Variants in COL9A1 observed in about 807,000 individuals in gnomAD.
COL9A1 encodes the protein collagen alpha-1(IX) chain.
Under a neutral mutation model 142.6 loss-of-function variants are expected in COL9A1, and 104 were observed. That is an observed-to-expected ratio of 0.73 (90% CI 0.62 to 0.86). COL9A1 has a LOEUF of 0.86. Ranked by LOEUF, COL9A1 falls within the 40% of genes least tolerant of loss-of-function variation. The pLI is 0.00. For synonymous variants in COL9A1, 466 were observed against 396.0 expected, an observed-to-expected ratio of 1.18 and a Z score of -2.10; for missense variants, 1,210 against 1,176.6, an observed-to-expected ratio of 1.03 and a Z score of -0.42.
chr6:70,240,881 TAGCTGTCA>T, intron 31 of COL9A1, 148 bp from the exon 32 acceptor site: 1 of 737,414 alleles, frequency 1.4e-6, no homozygotes, highest in Non-Finnish European at 2.5e-6. Context: ...CTTTCCAATC[TAGCTGTCA>T]GTGGTTAGTC....
intron 33 of COL9A1, among the ~76,000 whole-genome samples, chr6:70,235,555 C>T (rs1295119413): frequency 1.3e-5 from 2 of 152,114 alleles, no homozygotes; most frequent in Non-Finnish European, 1.5e-5. Flanking sequence ...ATTCTTCATA[C>T]TTTAAGCCAC....
At chr6:70,270,404 A>C (rs939156297) in intron 14 of COL9A1, 37 bp from the exon 15 acceptor site, 21 of 1,579,908 alleles carry the variant, frequency 1.3e-5, no homozygotes, top group Non-Finnish European at 1.8e-5. Flanking sequence ...GTGGTTATAC[A>C]TGTGTCAAAA....
At chr6:70,274,818 G>A (rs1220571128) in intron 10 of COL9A1, 46 bp from the exon 11 acceptor site, 1 of 1,468,290 alleles carries the variant, frequency 6.8e-7, no homozygotes, top group South Asian at 1.1e-5. Flanking sequence ...AACATCCTTA[G>A]GCAAACCACT....
At chr6:70,272,276 G>T (rs1772455553) in intron 12 of COL9A1, among the ~76,000 whole-genome samples, 188 bp from the exon 13 acceptor site, 2 of 151,954 alleles carry the variant, frequency 1.3e-5, no homozygotes, top group South Asian at 4.1e-4. Flanking sequence ...GCTTATTTCA[G>T]CTCCTCTAAC....
At chr6:70,218,049 A>G (rs545059587) in intron 37 of COL9A1, among the ~76,000 whole-genome samples, 1 of 152,322 alleles carries the variant, frequency 6.6e-6, no homozygotes, top group East Asian at 1.9e-4. Context: ...AGGCTGAGGC[A>G]GGAGAATTAC....
At chr6:70,298,397 A>G (rs1156298740) in intron 4 of COL9A1, among the ~76,000 whole-genome samples, 2 of 152,148 alleles carry the variant, frequency 1.3e-5, no homozygotes, top group Non-Finnish European at 2.9e-5. Context: ...TTGGAATTCC[A>G]CATGTCTGAG....
At position 70,289,488 on chromosome 6, in the gene COL9A1, TG is replaced by T. The variant is rs144924920; in HGVS notation, c.696+4678del. 5.5e-3 allele frequency among the ~76,000 whole-genome samples: 833 copies of T among 152,286 alleles called. 4 individuals are homozygous for T. The highest frequency in any genetic ancestry group is 0.02 in the Middle Eastern group (6 of 294). ...GTTTCCTCATTTCATTGCCACCTAG[TG>T]GAAAATCCAGCTGAGGTTGTTAATG... On this transcript the variant is annotated intron_variant, in intron 5 of 37. Transcript: ENST00000357250.
chr6:70,248,343 T>A lies in COL9A1; in HGVS notation c.1872+3777A>T, dbSNP rs531071725. Among the ~76,000 whole-genome samples the A allele has an allele frequency of 3.3e-5, 5 of 152,350 alleles. No homozygotes were observed. In the East Asian group the frequency reaches 9.6e-4, roughly 29 times the overall value. ...ACAGACAATATTTTTGCAGTAGTAT[T>A]GGCAAACATTAAAGGAAATAGCACT... is the stretch of plus-strand genomic sequence containing the variant. On this transcript the variant is annotated intron_variant, in intron 28 of 37. Coordinates refer to ENST00000357250, the MANE Select transcript of COL9A1 (RefSeq NM_001851.6).
intron 27 of COL9A1, 21 bp from the exon 28 acceptor site, chr6:70,252,194 A>G (rs1770984837): frequency 3.1e-6 from 5 of 1,614,200 alleles, no homozygotes; most frequent in Non-Finnish European, 4.2e-6. Context: ...GAAGGAAGGT[A>G]GAAAAAAAGT....
intron 10 of COL9A1, chr6:70,280,115 T>C: frequency 1.7e-6 from 1 of 590,626 alleles, no homozygotes; most frequent in Non-Finnish European, 3.1e-6. Context: ...TAGTGTTAGG[T>C]TTACCATATA....
At chr6:70,257,850 A>G (rs1771420125) in intron 20 of COL9A1, among the ~76,000 whole-genome samples, 1 of 152,120 alleles carries the variant, frequency 6.6e-6, no homozygotes, top group African/African-American at 2.4e-5. Flanking sequence ...GATTTCTGGG[A>G]CTCTGGATCT....
chr6:70,236,995 G>C (rs1439415766), intron 33 of COL9A1, among the ~76,000 whole-genome samples: 1 of 152,076 alleles, frequency 6.6e-6, no homozygotes, highest in Non-Finnish European at 1.5e-5. Context: ...CTAACTTTTT[G>C]TATTTTTAGT....
At chr6:70,236,112 CAAAAAAA>C (rs368419095) in intron 33 of COL9A1, among the ~76,000 whole-genome samples, 5 of 49,010 alleles carry the variant, frequency 1.0e-4, no homozygotes, top group African/African-American at 3.0e-4. Flanking sequence ...GACTCCATCT[CAAAAAAA>C]AAAAAAAAAA....
In COL9A1 at chr6:70,252,161, G is replaced by T; in HGVS notation, c.1831C>A (p.Pro611Thr). 3.7e-6 allele frequency: 6 copies of T among 1,614,156 alleles called. No homozygotes were observed. The highest frequency in any genetic ancestry group is 5.1e-6 in the Non-Finnish European group (6 of 1,180,004). The change falls in exon 28 of 38, where the codon CCT (proline) becomes ACT (threonine). Residue 611 changes from proline to threonine, a missense_variant. Coordinates refer to ENST00000357250, the MANE Select transcript of COL9A1 (RefSeq NM_001851.6). ...GNSGKPGQQG[P>T]PGEVGPRGPQ... ...CCTCGGGGTCCCACCTCTCCTGGAGGCCCCTGTTGGCCCTGTTATCAGGAA... is the reference window on the plus strand; with the variant it reads ...CCTCGGGGTCCCACCTCTCCTGGAGTCCCCTGTTGGCCCTGTTATCAGGAA...
At chr6:70,226,492 T>TA (rs1177281604) in intron 36 of COL9A1, among the ~76,000 whole-genome samples, 1 of 151,978 alleles carries the variant, frequency 6.6e-6, no homozygotes, top group African/African-American at 2.4e-5. Context: ...CTCTAGAAAG[T>TA]TAACTCAAAA....
chr6:70,262,242 C>T lies in COL9A1; in HGVS notation c.1395+1002G>A, dbSNP rs1283286674. 2.0e-4 allele frequency among the ~76,000 whole-genome samples: 30 copies of T among 152,064 alleles called. 1 individual carries two copies. The highest frequency in any genetic ancestry group is 1.8e-3 in the Admixed American group (27 of 15,284). ...CGAAAGAGTCCAGCTCCTAGTGTCT[C>T]ATATGGCAAACACTCAGGGGAGGGC... On this transcript the variant is annotated intron_variant, in intron 19 of 37. Coordinates refer to ENST00000357250, the MANE Select transcript of COL9A1 (RefSeq NM_001851.6).
intron 10 of COL9A1, among the ~76,000 whole-genome samples, chr6:70,277,979 G>A (rs1291190087): frequency 6.6e-6 from 1 of 152,036 alleles, no homozygotes; most frequent in East Asian, 1.9e-4. Context: ...CCCAGTTACT[G>A]CATTTCATTA....
intron 19 of COL9A1, 95 bp downstream of exon 19, chr6:70,263,149 A>G (rs2127583135): frequency 2.0e-6 from 2 of 996,894 alleles, no homozygotes; most frequent in Non-Finnish European, 3.0e-6. Flanking sequence ...ATGTAATGCT[A>G]TTCATCCAAC....
At chr6:70,226,345 T>G (rs1054835487) in intron 36 of COL9A1, among the ~76,000 whole-genome samples, 2 of 152,168 alleles carry the variant, frequency 1.3e-5, no homozygotes, top group African/African-American at 4.8e-5. Flanking sequence ...GCATTATGCT[T>G]AATGGGAAAC....
Sources: allele counts gnomAD v4.1 joint callset (sites outside exome capture counted in the v4.1 genomes callset), GRCh38; gene constraint gnomAD v4.1.1; transcripts MANE v1.5; gene names NCBI Gene and HGNC (gene_info 2026-07-23, HGNC 2026-07-21).